Variants in TRIM5 observed in about 807,000 individuals in gnomAD.
The protein encoded by TRIM5 is tripartite motif containing 5.
Under a neutral mutation model 35.6 loss-of-function variants are expected in TRIM5, and 31 were observed. The ratio of observed to expected loss-of-function variants is 0.87; its 90% CI spans 0.65 to 1.18. TRIM5 has a LOEUF of 1.18. Among genes scored for constraint, TRIM5 ranks in the 50% most tolerant of loss-of-function variants. The probability of loss-of-function intolerance (pLI) is 0.00; values close to 1 mark genes in which losing one functional copy is unlikely to be tolerated. For missense variants in TRIM5, 609 were observed against 591.6 expected (o/e 1.03, Z -0.31); for synonymous variants, 243 against 215.6 (o/e 1.13, Z -1.11).
At chr11:5,601,172 T>C in the TRIM5 span, among the ~76,000 whole-genome samples, 2 of 152,200 alleles carry the variant, frequency 1.3e-5, no homozygotes, top group African/African-American at 2.4e-5. Context: ...CTCATTTCCA[T>C]ACTTCGAAAG....
the TRIM5 span, chr11:5,613,102 T>C: frequency 6.6e-6 from 1 of 152,356 alleles, no homozygotes; most frequent in African/African-American, 2.4e-5. Flanking sequence ...GCCTATGGAC[T>C]CAGGATACAG....
the TRIM5 span, chr11:5,603,377 T>A: frequency 6.2e-7 from 1 of 1,614,068 alleles, no homozygotes; most frequent in African/African-American, 1.3e-5. Context: ...CTGGAGCTCC[T>A]AACAGAACCC....
chr11:5,604,695 C>A, the TRIM5 span: 1 of 1,527,376 alleles, frequency 6.5e-7, no homozygotes, highest in Non-Finnish European at 8.8e-7. Flanking sequence ...GAGCTGAGGG[C>A]AAAGGAGTCC....
At chr11:5,600,899 T>C in the TRIM5 span, among the ~76,000 whole-genome samples, 2 of 152,090 alleles carry the variant, frequency 1.3e-5, no homozygotes, top group African/African-American at 4.8e-5. Context: ...GCAGAACAAA[T>C]GGCTCCCAGT....
the TRIM5 span, among the ~76,000 whole-genome samples, chr11:5,649,482 A>T: frequency 6.6e-6 from 1 of 152,132 alleles, no homozygotes; most frequent in South Asian, 2.1e-4. Flanking sequence ...ACATTTTCTT[A>T]ACCTACATTG....
chr11:5,597,431 A>T, the TRIM5 span, among the ~76,000 whole-genome samples: 1 of 152,210 alleles, frequency 6.6e-6, no homozygotes, highest in Non-Finnish European at 1.5e-5. Flanking sequence ...TTGAAGTGGA[A>T]ATTAAATTTT....
chr11:5,681,050 A>T (rs992044516), intron 1 of TRIM5, among the ~76,000 whole-genome samples: 1 of 152,226 alleles, frequency 6.6e-6, no homozygotes, highest in South Asian at 2.1e-4. Flanking sequence ...TCTCATCCTG[A>T]AAGTTTGCCA....
the TRIM5 span, chr11:5,596,703 A>G: frequency 2.5e-6 from 2 of 796,468 alleles, no homozygotes; most frequent in African/African-American, 1.8e-5. Flanking sequence ...CAACGGCCAA[A>G]GGCTGGCGGA....
At chr11:5,611,232 G>A in the TRIM5 span, 44 of 1,613,312 alleles carry the variant, frequency 2.7e-5, no homozygotes, top group Middle Eastern at 3.3e-4. Flanking sequence ...CACAAACCAT[G>A]GCTTCCCCAT....
At chr11:5,592,735 A>C in the TRIM5 span, among the ~76,000 whole-genome samples, 1 of 151,808 alleles carries the variant, frequency 6.6e-6, no homozygotes, top group Admixed American at 6.6e-5. Flanking sequence ...TGGGCAACAT[A>C]ATGAAATCCT....
the TRIM5 span, chr11:5,642,532 G>A: frequency 1.9e-6 from 3 of 1,611,090 alleles, no homozygotes; most frequent in Non-Finnish European, 2.5e-6. Flanking sequence ...CAAAGACTGT[G>A]GATGTGGGAT....
chr11:5,679,525 C>A (rs1852262324), intron 2 of TRIM5, among the ~76,000 whole-genome samples: 1 of 152,098 alleles, frequency 6.6e-6, no homozygotes, highest in Admixed American at 6.6e-5. Context: ...ACCCATCTAA[C>A]CCAAGGTACA....
intron 1 of TRIM5, 24 bp from the exon 2 acceptor site, chr11:5,680,262 T>G (rs1852331396): frequency 7.4e-7 from 1 of 1,347,446 alleles, no homozygotes; most frequent in South Asian, 1.7e-5. Flanking sequence ...AAGGTTAAAA[T>G]GGGACCAAGT....
At chr11:5,613,407 A>T in the TRIM5 span, among the ~76,000 whole-genome samples, 1 of 152,226 alleles carries the variant, frequency 6.6e-6, no homozygotes, top group Non-Finnish European at 1.5e-5. Context: ...AGTAGTGCAG[A>T]TTATAGTAAA....
At chr11:5,639,210 CTTTAATG>C in the TRIM5 span, among the ~76,000 whole-genome samples, 1 of 152,090 alleles carries the variant, frequency 6.6e-6, no homozygotes, top group Non-Finnish European at 1.5e-5. Flanking sequence ...TTTTCCAGTT[CTTTAATG>C]TTTAACTTAC....
the TRIM5 span, among the ~76,000 whole-genome samples, chr11:5,627,609 A>C: frequency 6.6e-6 from 1 of 152,246 alleles, no homozygotes; most frequent in Non-Finnish European, 1.5e-5. Context: ...TATATTGACC[A>C]GAACACTACA....
the TRIM5 span, among the ~76,000 whole-genome samples, chr11:5,639,941 T>C: frequency 6.6e-6 from 1 of 152,184 alleles, no homozygotes; most frequent in African/African-American, 2.4e-5. Context: ...GTAAATGATG[T>C]ATCCATCACC....
At chr11:5,611,216 T>C in the TRIM5 span, 2 of 1,614,160 alleles carry the variant, frequency 1.2e-6, no homozygotes, top group Admixed American at 3.3e-5. Flanking sequence ...TCTCCTTTTA[T>C]AATGTCACAA....
chr11:5,598,472 C>A, the TRIM5 span, among the ~76,000 whole-genome samples: 12 of 151,422 alleles, frequency 7.9e-5, no homozygotes, highest in African/African-American at 2.7e-4. Context: ...TAGAATGAAG[C>A]CACATATGTA....
Sources: allele counts gnomAD v4.1 joint callset (sites outside exome capture counted in the v4.1 genomes callset), GRCh38; gene constraint gnomAD v4.1.1; transcripts MANE v1.5; gene names NCBI Gene and HGNC (gene_info 2026-07-23, HGNC 2026-07-21).